The following FAM227B variants were observed in gnomAD, a reference collection of about 807,000 sequenced individuals.
FAM227B encodes protein FAM227B.
Under a neutral mutation model 73.8 loss-of-function variants are expected in FAM227B, and 88 were observed. The observed-to-expected ratio is 1.19, with a 90% CI of 1.00 to 1.42. The LOEUF (loss-of-function observed/expected upper bound fraction) is 1.42, where lower values mean the gene tolerates loss of function less well. Ranked by LOEUF, FAM227B falls within the 40% of genes most tolerant of loss-of-function variation. The pLI is 0.00. For synonymous variants in FAM227B, 210 were observed against 190.5 expected (o/e 1.10, Z -0.84); for missense variants, 632 against 590.9 (o/e 1.07, Z -0.72).
At position 49,540,807 on chromosome 15, in the gene FAM227B, A is replaced by T. The variant is rs1257650545; in HGVS notation, c.874+873T>A. Among the ~76,000 whole-genome samples the T allele has an allele frequency of 2.0e-5, 3 of 152,150 alleles. No individual in the cohort carries two copies. In the East Asian group the frequency reaches 5.8e-4, roughly 29 times the overall value. ...CTTTTCTTGTAGTATCTTTGTTTGA[A>T]TGCAGTGGTCATTTCGTTTTTGTTT... is the stretch of plus-strand genomic sequence containing the variant. On this transcript the variant is annotated intron_variant, in intron 10 of 15. Coordinates refer to ENST00000299338, the MANE Select transcript of FAM227B (RefSeq NM_152647.3).
rs778486123 is a variant in FAM227B, at chr15:49,367,549, C to G, written c.1170G>C (p.Gln390His). Residue 390 changes from glutamine (Q) to histidine (H), a missense_variant, in exon 13 of 16, where the codon CAG (glutamine) becomes CAC (histidine). Transcript: ENST00000299338. ...FNRVLFNFGGQSPLILYYLKM... is the reference protein window; with the variant it reads ...FNRVLFNFGGHSPLILYYLKM... Reference sequence around the variant, plus strand: ...TAAGATAATATAAAATCAATGGACTCTGACCTCCAAAATTGAAGAGAACAC... The same window carrying G: ...TAAGATAATATAAAATCAATGGACTGTGACCTCCAAAATTGAAGAGAACAC... 24 of 1,606,132 alleles carry G rather than the reference C, an allele frequency of 1.5e-5. No homozygotes were observed. Among genetic ancestry groups the G allele is most frequent in the Non-Finnish European group, 8.5e-6 (10 of 1,178,274 alleles).
In FAM227B at chr15:49,328,172, A is replaced by C. The variant is rs2037860895; in HGVS notation, c.*396T>G. On this transcript the variant is annotated 3_prime_UTR_variant, in exon 16 of 16. Transcript: ENST00000299338. ...GCTTGAGGCCTGAAAAAATGTAAAA[A>C]GTCTGAGAGAAACTACTTAGGGCAC... The C allele has an allele frequency of 6.2e-7, 1 of 1,608,188 alleles. No homozygotes were observed. The highest frequency in any genetic ancestry group is 8.5e-7 in the Non-Finnish European group (1 of 1,176,842).
At chr15:49,523,474 G>A (rs529955300) in intron 10 of FAM227B, among the ~76,000 whole-genome samples, 1 of 152,196 alleles carries the variant, frequency 6.6e-6, no homozygotes, top group African/African-American at 2.4e-5. Flanking sequence ...CCCCAGCCAT[G>A]TGGAACCCTA....
intron 11 of FAM227B, among the ~76,000 whole-genome samples, chr15:49,448,821 T>G (rs569383090): frequency 6.6e-6 from 1 of 151,932 alleles, no homozygotes; most frequent in African/African-American, 2.4e-5. Flanking sequence ...AAACTTTTCT[T>G]GAAGCTCTCC....
At chr15:49,569,198 C>A (rs1444030512) in intron 8 of FAM227B, among the ~76,000 whole-genome samples, 1 of 151,802 alleles carries the variant, frequency 6.6e-6, no homozygotes, top group African/African-American at 2.4e-5. Flanking sequence ...TCCTTTCAAC[C>A]TCCATAAAAT....
At chr15:49,339,210 A>G (rs1318354566) in intron 13 of FAM227B, among the ~76,000 whole-genome samples, 1 of 152,152 alleles carries the variant, frequency 6.6e-6, no homozygotes, top group East Asian at 1.9e-4. Context: ...GAGAAGAGGC[A>G]TTCTGGTTTT....
At chr15:49,524,503 G>A (rs1278087253) in intron 10 of FAM227B, among the ~76,000 whole-genome samples, 1 of 152,232 alleles carries the variant, frequency 6.6e-6, no homozygotes, top group Non-Finnish European at 1.5e-5. Context: ...CCCTCATGGA[G>A]AATCTCTGCT....
chr15:49,394,837 A>G (rs559431518), intron 11 of FAM227B, among the ~76,000 whole-genome samples: 1 of 152,304 alleles, frequency 6.6e-6, no homozygotes, highest in East Asian at 1.9e-4. Flanking sequence ...AAATGTTTGT[A>G]ATTGTTCCAT....
chr15:49,509,444 A>G (rs2058818605), intron 10 of FAM227B, among the ~76,000 whole-genome samples: 2 of 152,144 alleles, frequency 1.3e-5, no homozygotes. Context: ...AGGGATTACT[A>G]TGTACCAAAC....
chr15:49,443,924 TC>T (rs34118871), intron 11 of FAM227B, among the ~76,000 whole-genome samples: 46,987 of 151,410 alleles, frequency 0.31, 7,690 homozygotes, highest in East Asian at 0.51. Flanking sequence ...TCCCTGAGAG[TC>T]AGTTGTTAAA....
intron 10 of FAM227B, among the ~76,000 whole-genome samples, chr15:49,514,527 G>C (rs1316744487): frequency 6.6e-6 from 1 of 151,956 alleles, no homozygotes; most frequent in African/African-American, 2.4e-5. Flanking sequence ...TAAATATAGG[G>C]TCATGTTATC....
intron 5 of FAM227B, among the ~76,000 whole-genome samples, chr15:49,585,034 A>G (rs1458174463): frequency 6.6e-6 from 1 of 152,216 alleles, no homozygotes; most frequent in Admixed American, 6.5e-5. Flanking sequence ...GGCGAAGGAT[A>G]TGAACAGACA....
intron 11 of FAM227B, among the ~76,000 whole-genome samples, chr15:49,391,012 T>A (rs922194312): frequency 2.6e-5 from 4 of 152,082 alleles, no homozygotes; most frequent in African/African-American, 9.7e-5. Context: ...AGACTACATA[T>A]GTAGTTTCCG....
intron 11 of FAM227B, among the ~76,000 whole-genome samples, chr15:49,440,259 T>C (rs888682234): frequency 9.2e-5 from 14 of 151,780 alleles, no homozygotes; most frequent in Non-Finnish European, 1.8e-4. Context: ...TCCTTCTGTT[T>C]ATACACTCTT....
At chr15:49,510,605 T>C (rs2058923110) in intron 10 of FAM227B, among the ~76,000 whole-genome samples, 1 of 152,162 alleles carries the variant, frequency 6.6e-6, no homozygotes, top group Non-Finnish European at 1.5e-5. Flanking sequence ...TCATTAGGCC[T>C]GTGCAGTTAT....
intron 15 of FAM227B, 105 bp downstream of exon 15, chr15:49,331,675 C>T: frequency 2.8e-6 from 2 of 711,498 alleles, no homozygotes; most frequent in Non-Finnish European, 5.1e-6. Flanking sequence ...TCTCCTGCCA[C>T]TGTAATTTGG....
Position 49,615,132 on chromosome 15 carries a change from C to T in FAM227B, c.40G>A (p.Ala14Thr). 1 of 1,614,078 alleles carries T rather than the reference C, an allele frequency of 6.2e-7. No individual in the cohort carries two copies. The highest frequency in any genetic ancestry group is 8.5e-7 in the Non-Finnish European group (1 of 1,179,936). ...GGAAGCTTCCTTACCCCGGGGCCAG[C>T]TCTGCTGCTCCTCCTTTGACATGTT... ...QRTCQRRSSR[A>T]GPGKMQEPPK... The change falls in exon 2 of 16, where the codon GCT becomes ACT. Residue 14 changes from alanine (A) to threonine (T), a missense_variant. Physicochemically the swap from Ala to Thr is moderately conservative, Grantham distance 58. Coordinates refer to ENST00000299338, the MANE Select transcript of FAM227B (RefSeq NM_152647.3).
chr15:49,347,349 T>C (rs2041656052), intron 13 of FAM227B, among the ~76,000 whole-genome samples: 1 of 152,212 alleles, frequency 6.6e-6, no homozygotes, highest in African/African-American at 2.4e-5. Flanking sequence ...GAATAAAGAC[T>C]GTAACAGCTT....
chr15:49,591,966 G>A (rs2076607756), intron 3 of FAM227B, among the ~76,000 whole-genome samples: 1 of 152,042 alleles, frequency 6.6e-6, no homozygotes, highest in South Asian at 2.1e-4. Context: ...GATCGAATTG[G>A]CTATTGAAGC....
Sources: gnomAD v4.1 joint callset for allele counts (sites outside exome capture counted in the v4.1 genomes callset) on GRCh38, gnomAD v4.1.1 for gene constraint, MANE v1.5 for transcripts, NCBI Gene and HGNC (gene_info 2026-07-23, HGNC 2026-07-21) for gene names.